KCNQ1OT1: variants seen among roughly 807,000 people sequenced by gnomAD.
KCNQ1OT1 encodes KCNQ1 opposite strand/antisense transcript 1, also known as KCNQ1 antisense RNA 2 (non-protein coding).
exon 1 of KCNQ1OT1, chr11:2,699,775 C>G (rs868699206): frequency 1.3e-5 from 5 of 397,822 alleles, no homozygotes; most frequent in African/African-American, 2.1e-5. Flanking sequence ...TGAGGAGCCC[C>G]GAGGAGAACC....
In KCNQ1OT1 at chr11:2,620,814, A is replaced by G; in HGVS notation, n.79181T>C. ...TAATTTGTATTCCTGCCAACAGTGT[A>G]TAAGCGTTCCCTTTTCTCTGCAGCC... On this transcript the variant is annotated non_coding_transcript_exon_variant, in exon 1 of 1. Coordinates refer to ENST00000597346, the Ensembl canonical transcript of KCNQ1OT1. This position sits in a 1 kb window ranked among gnomAD's most constrained non-coding sequence, Gnocchi z 4.5. 1 of 398,644 alleles carries G rather than the reference A, an allele frequency of 2.5e-6. No homozygotes were observed. The highest frequency in any genetic ancestry group is 4.4e-6 in the Non-Finnish European group (1 of 226,080). 24.7% of individuals were successfully genotyped at this position (398,644 alleles called of 1,614,324 possible).
exon 1 of KCNQ1OT1, chr11:2,680,471 AT>A (rs916520404): frequency 1.8e-5 from 7 of 397,540 alleles, no homozygotes; most frequent in Middle Eastern, 6.2e-4. Context: ...AGGACTACTG[AT>A]TTTTTTTTAA....
rs1306035730 is a variant in KCNQ1OT1 at position 2,651,899 on chromosome 11, TC to T, written n.48095del. On this transcript the variant is annotated non_coding_transcript_exon_variant, in exon 1 of 1. Transcript: ENST00000597346. This position sits in a 1 kb window ranked among gnomAD's most constrained non-coding sequence, Gnocchi z 6.1. Reference sequence around the variant, plus strand: ...AGGCTGAGGGGGTCATAGCCGAGGGTCCCTCTGGGGCCGCTTGCTCTCCTCC... The same window carrying T: ...AGGCTGAGGGGGTCATAGCCGAGGGTCCTCTGGGGCCGCTTGCTCTCCTCC... 1.5e-5 allele frequency: 6 copies of T among 398,570 alleles called. No individual in the cohort carries two copies. Among genetic ancestry groups the T allele is most frequent in the Non-Finnish European group, 2.2e-5 (5 of 226,162 alleles). 24.7% of individuals were successfully genotyped at this position (398,570 alleles called of 1,614,324 possible).
rs1245052685 is a variant in KCNQ1OT1, at chr11:2,663,644, C to A, written n.36351G>T. ...GCATCCAGACATGCAAAAAGTCCTA[C>A]TGGGAGGAGAGGGCCATCACCCACA... is the stretch of plus-strand genomic sequence containing the variant. On this transcript the variant is annotated non_coding_transcript_exon_variant, in exon 1 of 1. Transcript: ENST00000597346. This position sits in a 1 kb window ranked among gnomAD's most constrained non-coding sequence, Gnocchi z 5.2. 13 of 398,598 alleles carry A rather than the reference C, an allele frequency of 3.3e-5. No individual in the cohort carries two copies. Among genetic ancestry groups the A allele is most frequent in the Admixed American group, 1.8e-4 (4 of 22,730 alleles). 24.7% of individuals were successfully genotyped at this position (398,598 alleles called of 1,614,324 possible).
Position 2,659,160 on chromosome 11 carries a change from T to G in KCNQ1OT1, n.40835A>C, listed in dbSNP as rs1414940786. 1 of 398,544 alleles carries G rather than the reference T, an allele frequency of 2.5e-6. No homozygotes were observed. Among genetic ancestry groups the G allele is most frequent in the Non-Finnish European group, 4.4e-6 (1 of 226,076 alleles). The allele number at this position is 398,544 out of a possible 1,614,324, so 24.7% of individuals were successfully genotyped here. A position where few individuals can be genotyped will look rare whatever the true frequency, so the allele number is the denominator to read the frequency against. ...ATCCACTCTTTGAGATTCAGTTCTG[T>G]GGGTTTTGACAGATGTCTGGAGTCA... On this transcript the variant is annotated non_coding_transcript_exon_variant, in exon 1 of 1. Coordinates refer to ENST00000597346, the Ensembl canonical transcript of KCNQ1OT1. The surrounding 1 kb of genome is among the most constrained non-coding windows in gnomAD (Gnocchi z 4.3).
exon 1 of KCNQ1OT1, chr11:2,681,413 G>C (rs1850394790): frequency 7.5e-6 from 3 of 398,436 alleles, no homozygotes; most frequent in Non-Finnish European, 1.3e-5. Flanking sequence ...CAAAGAATGG[G>C]GATCCCTGTG....
At chr11:2,699,800 G>A (rs995089627) in exon 1 of KCNQ1OT1, 8 of 396,090 alleles carry the variant, frequency 2.0e-5, no homozygotes, top group Non-Finnish European at 3.6e-5. Context: ...CGAGGGGCGC[G>A]CCGGGGAGAA....
At chr11:2,650,888 C>T (rs1849746561) in exon 1 of KCNQ1OT1, 2 of 398,520 alleles carry the variant, frequency 5.0e-6, no homozygotes, top group South Asian at 1.3e-4. Context: ...GGATGAGGAG[C>T]AGCATGCTAT....
rs2133890456 is a variant in KCNQ1OT1, at chr11:2,689,620, G to T, written n.10375C>A. 4 of 398,628 alleles carry T rather than the reference G, an allele frequency of 1.0e-5. No homozygotes were observed. The East Asian group carries it at 1.4e-4, about 14-fold the overall frequency. The allele number at this position is 398,628 out of a possible 1,614,324, so 24.7% of individuals were successfully genotyped here. A position where few individuals can be genotyped will look rare whatever the true frequency, so the allele number is the denominator to read the frequency against. Reference sequence around the variant, plus strand: ...ATTCTCAAGGATCCGGGTATTTTAGGAACAAAACAAGCCAGCAGGTGCAGA... The same window carrying T: ...ATTCTCAAGGATCCGGGTATTTTAGTAACAAAACAAGCCAGCAGGTGCAGA... On this transcript the variant is annotated non_coding_transcript_exon_variant, in exon 1 of 1. Transcript: ENST00000597346.
At chr11:2,697,809 G>A (rs927890268) in exon 1 of KCNQ1OT1, 10 of 398,584 alleles carry the variant, frequency 2.5e-5, no homozygotes, top group African/African-American at 4.1e-5. Context: ...ATTCATAAGG[G>A]AAATTCTTTA....
Position 2,651,824 on chromosome 11 carries a change from CAGG to C in KCNQ1OT1, n.48168_48170del. 1 of 398,630 alleles carries C rather than the reference CAGG, an allele frequency of 2.5e-6. No homozygotes were observed. The highest frequency in any genetic ancestry group is 4.4e-6 in the Non-Finnish European group (1 of 226,090). The allele number at this position is 398,630 out of a possible 1,614,324, so 24.7% of individuals were successfully genotyped here. On this transcript the variant is annotated non_coding_transcript_exon_variant, in exon 1 of 1. Transcript: ENST00000597346. The surrounding 1 kb of genome is among the most constrained non-coding windows in gnomAD (Gnocchi z 6.1). ...TCCATTAGCATTGGAATGGAGCCCACAGGACCATACCAGACAGATGCCACCACA... is the reference window on the plus strand; with the variant it reads ...TCCATTAGCATTGGAATGGAGCCCACACCATACCAGACAGATGCCACCACA...
rs2133868800 is a variant in KCNQ1OT1, at chr11:2,671,439, G to T, written n.28556C>A. Reference sequence around the variant, plus strand: ...TGCACCCAGAGATTCTCCCACTTTAGCAGGCAGAAGAGCAACCCAGCAGGG... The same window carrying T: ...TGCACCCAGAGATTCTCCCACTTTATCAGGCAGAAGAGCAACCCAGCAGGG... On this transcript the variant is annotated non_coding_transcript_exon_variant, in exon 1 of 1. Coordinates refer to ENST00000597346, the Ensembl canonical transcript of KCNQ1OT1. The surrounding 1 kb of genome is among the most constrained non-coding windows in gnomAD (Gnocchi z 4.7). 2 of 398,614 alleles carry T rather than the reference G, an allele frequency of 5.0e-6. No homozygotes were observed. Among genetic ancestry groups the T allele is most frequent in the African/African-American group, 4.1e-5 (2 of 48,748 alleles). 24.7% of individuals were successfully genotyped at this position (398,614 alleles called of 1,614,324 possible).
At position 2,676,182 on chromosome 11, in the gene KCNQ1OT1, C is replaced by T; in HGVS notation, n.23813G>A. The T allele has an allele frequency of 2.5e-6, 1 of 398,624 alleles. No homozygotes were observed. The highest frequency in any genetic ancestry group is 4.4e-6 in the Non-Finnish European group (1 of 226,070). The allele number at this position is 398,624 out of a possible 1,614,324, so 24.7% of individuals were successfully genotyped here. On this transcript the variant is annotated non_coding_transcript_exon_variant, in exon 1 of 1. Coordinates refer to ENST00000597346, the Ensembl canonical transcript of KCNQ1OT1. The surrounding 1 kb of genome is among the most constrained non-coding windows in gnomAD (Gnocchi z 4.2). ...TCTACACTTTGCCTTTGACTTCTTC[C>T]ATAGGTATGCCATACTTCTTTTTGA...
chr11:2,671,982 C>A lies in KCNQ1OT1; in HGVS notation n.28013G>T, dbSNP rs1011831600. On this transcript the variant is annotated non_coding_transcript_exon_variant, in exon 1 of 1. Coordinates refer to ENST00000597346, the Ensembl canonical transcript of KCNQ1OT1. The surrounding 1 kb of genome is among the most constrained non-coding windows in gnomAD (Gnocchi z 4.7). ...AGTGGGCTAAAAAGTCAGCTAGCAC[C>A]CCTGACTTCAAGTCCTCGAGTGTAT... 1.5e-5 allele frequency: 6 copies of A among 398,414 alleles called. No homozygotes were observed. Among genetic ancestry groups the A allele is most frequent in the Non-Finnish European group, 2.7e-5 (6 of 226,084 alleles). 24.7% of individuals were successfully genotyped at this position (398,414 alleles called of 1,614,324 possible).
exon 1 of KCNQ1OT1, chr11:2,633,145 C>T: frequency 2.5e-6 from 1 of 398,444 alleles, no homozygotes; most frequent in Non-Finnish European, 4.4e-6. Context: ...GTGGCTTTGA[C>T]TTGCATTTCT....
rs936908079 is a variant in KCNQ1OT1 at position 2,682,231 on chromosome 11, G to A, written n.17764C>T. 13 of 398,390 alleles carry A rather than the reference G, an allele frequency of 3.3e-5. No individual in the cohort carries two copies. Among genetic ancestry groups the A allele is most frequent in the Non-Finnish European group, 4.9e-5 (11 of 226,058 alleles). The allele number at this position is 398,390 out of a possible 1,614,324, so 24.7% of individuals were successfully genotyped here. On this transcript the variant is annotated non_coding_transcript_exon_variant, in exon 1 of 1. Transcript: ENST00000597346. The surrounding 1 kb of genome is among the most constrained non-coding windows in gnomAD (Gnocchi z 5.8). ...CTGTCTTATCCTGTGGTTCTTAGCT[G>A]AAATGTCCCTTCCTCAGAGGAGCCA...
In KCNQ1OT1 at chr11:2,645,388, A is replaced by G; in HGVS notation, n.54607T>C. On this transcript the variant is annotated non_coding_transcript_exon_variant, in exon 1 of 1. Coordinates refer to ENST00000597346, the Ensembl canonical transcript of KCNQ1OT1. This position sits in a 1 kb window ranked among gnomAD's most constrained non-coding sequence, Gnocchi z 5.8. Reference sequence around the variant, plus strand: ...CACTGGGAGAAAAGAGGGTGGGACCAGGCCAGGTGGGCCTGTCCTGAGGCC... The same window carrying G: ...CACTGGGAGAAAAGAGGGTGGGACCGGGCCAGGTGGGCCTGTCCTGAGGCC... 1 of 398,828 alleles carries G rather than the reference A, an allele frequency of 2.5e-6. No homozygotes were observed. The highest frequency in any genetic ancestry group is 4.4e-6 in the Non-Finnish European group (1 of 226,246). The allele number at this position is 398,828 out of a possible 1,614,324, so 24.7% of individuals were successfully genotyped here. A position where few individuals can be genotyped will look rare whatever the true frequency, so the allele number is the denominator to read the frequency against.
chr11:2,650,647 A>G (rs1185622535), exon 1 of KCNQ1OT1: 1 of 398,530 alleles, frequency 2.5e-6, no homozygotes, highest in African/African-American at 2.1e-5. Flanking sequence ...AACTACCTTC[A>G]AACTTTTTGA....
rs2133816859 is a variant in KCNQ1OT1, at chr11:2,631,497, CTCTCTGT to C, written n.68491_68497del. 4 of 286,840 alleles carry C rather than the reference CTCTCTGT, an allele frequency of 1.4e-5. No individual in the cohort carries two copies. The South Asian group carries it at 7.5e-4, about 54-fold the overall frequency. The allele number at this position is 286,840 out of a possible 1,614,324, so 17.8% of individuals were successfully genotyped here. ...TGTATTAATGATTTCATTAGGTTGTCTCTCTGTTCTCTGGTAGCACACTGAACTTCCT... is the reference window on the plus strand; with the variant it reads ...TGTATTAATGATTTCATTAGGTTGTCTCTCTGGTAGCACACTGAACTTCCT... On this transcript the variant is annotated non_coding_transcript_exon_variant, in exon 1 of 1. Transcript: ENST00000597346.
Sources: allele counts gnomAD v4.1 joint callset, GRCh38; gene constraint gnomAD v4.1.1; non-coding constraint Gnocchi (gnomAD v3.1); transcripts MANE v1.5; gene names NCBI Gene and HGNC (gene_info 2026-07-23, HGNC 2026-07-21).